Variants in ING5 observed in about 807,000 individuals in gnomAD.
ING5 encodes the protein inhibitor of growth protein 5.
In ING5, 17 loss-of-function variants were observed where a neutral mutation model predicts 37.4. The observed-to-expected ratio is 0.45, with a 90% CI of 0.31 to 0.68. The LOEUF is 0.68. Ranked by LOEUF, ING5 falls within the 30% of genes least tolerant of loss-of-function variation. ING5 has a pLI of 0.05. For synonymous variants in ING5, 123 were observed against 116.6 expected (o/e 1.06, Z -0.36); for missense variants, 233 against 311.9 (o/e 0.75, Z 1.91).
At chr2:241,687,242 C>G in exon 1 of ING5, 1 of 397,400 alleles carries the variant, frequency 2.5e-6, no homozygotes, top group Non-Finnish European at 4.4e-6. Context: ...GTGCCCGCTG[C>G]CAGCGTGAGG....
rs564663437 is a variant in ING5 at position 241,726,180 on chromosome 2, G to C, written c.*1149G>C. The C allele has an allele frequency of 6.6e-6, 1 of 152,390 alleles. No individual in the cohort carries two copies. Among genetic ancestry groups the C allele is most frequent in the African/African-American group, 2.4e-5 (1 of 41,560 alleles). 9.4% of individuals were successfully genotyped at this position (152,390 alleles called of 1,614,324 possible). A position where few individuals can be genotyped will look rare whatever the true frequency, so the allele number is the denominator to read the frequency against. On this transcript the variant is annotated 3_prime_UTR_variant, in exon 8 of 8. Coordinates refer to ENST00000313552, the MANE Select transcript of ING5 (RefSeq NM_032329.6). ...CTCTCCCGTGCCTTTAGAGGAAGGA[G>C]AGGATTGCTGAGGAATGCAGGGACG...
chr2:241,711,887 A>G (rs755389630), intron 4 of ING5, 91 bp from the exon 5 acceptor site: 10 of 1,145,784 alleles, frequency 8.7e-6, no homozygotes, highest in Non-Finnish European at 1.1e-5. Context: ...CCTGGGAGAC[A>G]GAGCGAGACC....
chr2:241,687,689 G>A (rs977993102), exon 1 of ING5: 3 of 210,268 alleles, frequency 1.4e-5, no homozygotes, highest in African/African-American at 2.3e-5. Context: ...CACGACGCCC[G>A]GCTAATTTTT....
chr2:241,704,287 G>A (rs1197261161), intron 1 of ING5, among the ~76,000 whole-genome samples: 2 of 152,174 alleles, frequency 1.3e-5, no homozygotes, highest in East Asian at 3.9e-4. Context: ...AAAACTTTTG[G>A]CCAGTCCTGG....
chr2:241,722,132 T>G, intron 5 of ING5: 1 of 985,340 alleles, frequency 1.0e-6, no homozygotes. Flanking sequence ...GACGCATGGC[T>G]GTTCTCTTGG....
intron 5 of ING5, among the ~76,000 whole-genome samples, chr2:241,712,793 A>G (rs962718969): frequency 6.6e-6 from 1 of 152,078 alleles, no homozygotes; most frequent in African/African-American, 2.4e-5. Flanking sequence ...TGGGAGGCCA[A>G]GGCGGGAGGA....
intron 2 of ING5, among the ~76,000 whole-genome samples, chr2:241,695,681 G>A (rs185704153): frequency 2.7e-3 from 415 of 151,846 alleles, no homozygotes; most frequent in African/African-American, 9.5e-3. Context: ...GCAAGATTCC[G>A]TCTAAAAAAA....
At chr2:241,690,349 A>G (rs1350309889) in exon 2 of ING5, 7 of 357,506 alleles carry the variant, frequency 2.0e-5, no homozygotes, top group Non-Finnish European at 3.0e-5. Context: ...CAGCATTAAG[A>G]TATTTAATCA....
At chr2:241,691,219 AT>A (rs1234555946) in intron 2 of ING5, among the ~76,000 whole-genome samples, 4 of 150,324 alleles carry the variant, frequency 2.7e-5, no homozygotes, top group Non-Finnish European at 5.9e-5. Flanking sequence ...TGGGTGAATC[AT>A]TTGAGGTCAG....
At chr2:241,687,957 C>G (rs1032145699) in exon 1 of ING5, 7 of 152,186 alleles carry the variant, frequency 4.6e-5, no homozygotes, top group Non-Finnish European at 7.3e-5. Flanking sequence ...CTGTCTCTGC[C>G]ATAGAGAGGT....
At chr2:241,698,453 G>T (rs548005291), upstream of ING5, among the ~76,000 whole-genome samples, 3 of 151,442 alleles carry the variant, frequency 2.0e-5, no homozygotes, top group Non-Finnish European at 4.4e-5. Flanking sequence ...TTCATCGATT[G>T]TAACAAATGT....
At chr2:241,719,392 A>C in intron 5 of ING5, 21 of 610,202 alleles carry the variant, frequency 3.4e-5, no homozygotes, top group East Asian at 1.1e-4. Flanking sequence ...CTCTGGCTGC[A>C]GGTCATCTAG....
intron 1 of ING5, 85 bp from the exon 2 acceptor site, chr2:241,704,568 C>CAA: frequency 3.5e-5 from 34 of 981,548 alleles, no homozygotes; most frequent in South Asian, 4.6e-5. Context: ...AACTCCATCT[C>CAA]AAAAAAAAAA....
At chr2:241,714,896 G>A (rs546359425) in intron 5 of ING5, among the ~76,000 whole-genome samples, 35 of 152,172 alleles carry the variant, frequency 2.3e-4, no homozygotes, top group South Asian at 4.2e-4. Context: ...GCGTCTGGCC[G>A]TCTTGATCTT....
chr2:241,704,937 T>C (rs3935478), intron 2 of ING5, among the ~76,000 whole-genome samples: 96,329 of 152,182 alleles, frequency 0.63, 30,715 homozygotes, highest in Admixed American at 0.7. Context: ...CTTTATATCA[T>C]GTTTTTATAA....
exon 1 of ING5, chr2:241,687,521 G>T (rs2069458499): frequency 2.7e-6 from 1 of 366,204 alleles, no homozygotes. Flanking sequence ...GTCCGTGTGT[G>T]TGTTTTTGTT....
intron 3 of ING5, among the ~76,000 whole-genome samples, chr2:241,710,595 C>T (rs551588007): frequency 1.6e-3 from 249 of 152,320 alleles, no homozygotes; most frequent in African/African-American, 5.2e-3. Context: ...AGCGATTCTC[C>T]GGCTTCAGCC....
upstream of ING5, among the ~76,000 whole-genome samples, chr2:241,699,273 C>A (rs2069679043): frequency 6.6e-6 from 1 of 152,170 alleles, no homozygotes; most frequent in South Asian, 2.1e-4. Flanking sequence ...GATCCACCCA[C>A]CTCATCCTTC....
At chr2:241,696,000 A>C (rs2069624335) in intron 2 of ING5, among the ~76,000 whole-genome samples, 1 of 152,148 alleles carries the variant, frequency 6.6e-6, no homozygotes, top group African/African-American at 2.4e-5. Context: ...GCGGAGGCCA[A>C]GGCAAGAAGA....
Sources: allele counts gnomAD v4.1 joint callset (sites outside exome capture counted in the v4.1 genomes callset), GRCh38; gene constraint gnomAD v4.1.1; transcripts MANE v1.5; gene names NCBI Gene and HGNC (gene_info 2026-07-23, HGNC 2026-07-21).